TMTC3: variants seen among roughly 807,000 people sequenced by gnomAD.
TMTC3 encodes transmembrane O-mannosyltransferase targeting cadherins 3.
Under a neutral mutation model 92.2 loss-of-function variants are expected in TMTC3, and 52 were observed. The observed-to-expected ratio is 0.56, with a 90% CI of 0.45 to 0.71. The LOEUF is 0.71. Among genes scored for constraint, TMTC3 ranks in the 30% least tolerant of loss-of-function variants. The probability of loss-of-function intolerance (pLI) is 0.00; values close to 1 mark genes in which losing one functional copy is unlikely to be tolerated. For missense variants in TMTC3, 896 were observed against 1,057.1 expected (o/e 0.85, Z 2.11); for synonymous variants, 339 against 363.3 (o/e 0.93, Z 0.76).
chr12:88,152,986 A>G (rs1416138709), intron 2 of TMTC3, among the ~76,000 whole-genome samples: 1 of 152,126 alleles, frequency 6.6e-6, no homozygotes, highest in African/African-American at 2.4e-5. Context: ...CAATGCCGGC[A>G]TTGTCTTTTT....
rs143116689 is a variant in TMTC3, at chr12:88,190,535, C to A, written c.1619C>A (p.Ala540Glu). The A allele has an allele frequency of 8.2e-4, 1,316 of 1,613,886 alleles. No individual in the cohort carries two copies. Among genetic ancestry groups the A allele is most frequent in the Non-Finnish European group, 1.1e-3 (1,251 of 1,179,918 alleles). Residue 540 changes from alanine to glutamate, a missense_variant, in exon 12 of 14, where the codon GCA becomes GAA. Coordinates refer to ENST00000266712, the MANE Select transcript of TMTC3 (RefSeq NM_181783.4). Reference sequence around the variant, plus strand: ...ATCAATCTGGCTAACCTGATCCGAGCAAATGAGTCCCGACTGGAAGAAGCA... The same window carrying A: ...ATCAATCTGGCTAACCTGATCCGAGAAAATGAGTCCCGACTGGAAGAAGCA... ...VYINLANLIR[A>E]NESRLEEADQ...
At chr12:88,160,086 T>A (rs747002663) in intron 4 of TMTC3, 28 bp from the exon 5 acceptor site, 1 of 1,453,878 alleles carries the variant, frequency 6.9e-7, no homozygotes, top group Non-Finnish European at 9.4e-7. Context: ...TTTTCTGAAT[T>A]TTTATATTTT....
At chr12:88,179,280 T>C in intron 10 of TMTC3, among the ~76,000 whole-genome samples, 1 of 152,172 alleles carries the variant, frequency 6.6e-6, no homozygotes, top group East Asian at 1.9e-4. Context: ...GTATCTTAGA[T>C]AGTTTAGACG....
At chr12:88,150,077 G>C (rs946672765) in intron 2 of TMTC3, among the ~76,000 whole-genome samples, 1 of 152,106 alleles carries the variant, frequency 6.6e-6, no homozygotes, top group Non-Finnish European at 1.5e-5. Flanking sequence ...AGAAATACCT[G>C]AGACAGGGTA....
At chr12:88,160,931 A>G in intron 6 of TMTC3, 80 bp downstream of exon 6, 1 of 1,384,730 alleles carries the variant, frequency 7.2e-7, no homozygotes, top group Non-Finnish European at 9.8e-7. Flanking sequence ...TGAAGAAAGT[A>G]TTTTATTTTG....
At position 88,192,611 on chromosome 12, in the gene TMTC3, T is replaced by C. The variant is rs1367051859; in HGVS notation, c.1714T>C (p.Leu572=). Residue 572 remains leucine, a synonymous_variant, in exon 13 of 14, where the codon TTG becomes CTG. Transcript: ENST00000266712. ...TGTTTGATTTTTCCACAGAGGAGAATTGCTTTTAAAAATGAATAAACCTCT... is the reference window on the plus strand; with the variant it reads ...TGTTTGATTTTTCCACAGAGGAGAACTGCTTTTAAAAATGAATAAACCTCT... ...FKQAYISRGE[L]LLKMNKPLKA... 6.2e-7 allele frequency: 1 copy of C among 1,602,536 alleles called. No homozygotes were observed. Among genetic ancestry groups the C allele is most frequent in the Non-Finnish European group, 8.5e-7 (1 of 1,170,922 alleles).
chr12:88,157,726 T>C (rs1026818023), intron 4 of TMTC3, among the ~76,000 whole-genome samples: 1 of 152,178 alleles, frequency 6.6e-6, no homozygotes, highest in African/African-American at 2.4e-5. Context: ...GCCTGTATTT[T>C]GAAATGGGAA....
intron 4 of TMTC3, among the ~76,000 whole-genome samples, chr12:88,158,632 C>A (rs2041038027): frequency 6.6e-6 from 1 of 151,560 alleles, no homozygotes; most frequent in Admixed American, 6.6e-5. Flanking sequence ...AAAACAATTT[C>A]AAAAATATGT....
At chr12:88,154,457 A>C in intron 4 of TMTC3, 70 bp downstream of exon 4, 1 of 1,059,152 alleles carries the variant, frequency 9.4e-7, no homozygotes, top group Non-Finnish European at 1.4e-6. Flanking sequence ...ATTTACTCCA[A>C]GTGCTTCTTA....
At position 88,156,797 on chromosome 12, in the gene TMTC3, T is replaced by TTGTG. The variant is rs1000998177; in HGVS notation, c.508+2422_508+2425dup. 2.5e-5 allele frequency among the ~76,000 whole-genome samples: 3 copies of TTGTG among 118,562 alleles called. No homozygotes were observed. In the East Asian group the frequency reaches 8.3e-4, roughly 33 times the overall value. The allele number at this position is 118,562 out of a possible 152,430, so 77.8% of individuals were successfully genotyped here. On this transcript the variant is annotated intron_variant, in intron 4 of 13. Transcript: ENST00000266712. ...AAAATAACCTCGAAATGCTAAGGTT[T>TTGTG]TGTGTGTGTGTGTGTTTTTTTTTTT...
In TMTC3 at chr12:88,183,069, C is replaced by T. The variant is rs183439254; in HGVS notation, c.1433-5774C>T. On this transcript the variant is annotated intron_variant, in intron 10 of 13. Transcript: ENST00000266712. ...ACTTTTGGGAAATGATGAAAATGGG[C>T]GAATTCCAAGGGCTGTTTGACGGTT... Among the ~76,000 whole-genome samples the T allele has an allele frequency of 7.9e-4, 121 of 152,230 alleles. 2 individuals are homozygous for T. Among genetic ancestry groups the T allele is most frequent in the Admixed American group, 7.6e-3 (116 of 15,296 alleles).
At chr12:88,180,533 T>C (rs1423686823) in intron 10 of TMTC3, among the ~76,000 whole-genome samples, 1 of 152,208 alleles carries the variant, frequency 6.6e-6, no homozygotes, top group Non-Finnish European at 1.5e-5. Flanking sequence ...GAACAAATTA[T>C]CTGGAGTGAA....
intron 1 of TMTC3, among the ~76,000 whole-genome samples, chr12:88,146,002 A>C (rs757468852): frequency 6.6e-6 from 1 of 152,214 alleles, no homozygotes; most frequent in Non-Finnish European, 1.5e-5. Flanking sequence ...CTTAAACTGC[A>C]TCTGTAAGTC....
At chr12:88,190,682 A>G in intron 12 of TMTC3, 60 bp downstream of exon 12, 1 of 1,499,770 alleles carries the variant, frequency 6.7e-7, no homozygotes, top group Non-Finnish European at 9.0e-7. Flanking sequence ...CTCCATGTAC[A>G]TTTTGAATGA....
chr12:88,175,754 G>A (rs1002898164), intron 9 of TMTC3, among the ~76,000 whole-genome samples: 10 of 152,122 alleles, frequency 6.6e-5, no homozygotes, highest in African/African-American at 2.2e-4. Flanking sequence ...GGCAATCTGC[G>A]AACTCTGAAA....
At position 88,166,368 on chromosome 12, in the gene TMTC3, G is replaced by A. The variant is rs1439106906; in HGVS notation, c.836G>A (p.Arg279Lys). The A allele has an allele frequency of 3.1e-6, 5 of 1,613,608 alleles. No homozygotes were observed. In the South Asian group the frequency reaches 5.5e-5, roughly 18 times the overall value. ...NPAAVSPTPTRQLTFNYLLPV... is the reference protein window; with the variant it reads ...NPAAVSPTPTKQLTFNYLLPV... ...GCTGCTGTAAGCCCAACTCCTACAA[G>A]GCAACTAACTTTTAACTACCTCCTT... The change falls in exon 7 of 14, where the codon AGG (arginine) becomes AAG (lysine). Residue 279 changes from arginine (R) to lysine (K), a missense_variant. Physicochemically the swap from Arg to Lys is conservative, Grantham distance 26 (BLOSUM62 2). Transcript: ENST00000266712.
At chr12:88,191,105 A>G (rs1165560149) in intron 12 of TMTC3, among the ~76,000 whole-genome samples, 1 of 152,124 alleles carries the variant, frequency 6.6e-6, no homozygotes, top group Non-Finnish European at 1.5e-5. Flanking sequence ...TTTCTCATGT[A>G]TGTGTTATCA....
chr12:88,199,782 C>T lies in TMTC3; in HGVS notation c.*4133C>T, dbSNP rs1249460095. On this transcript the variant is annotated 3_prime_UTR_variant, in exon 14 of 14. Coordinates refer to ENST00000266712, the MANE Select transcript of TMTC3 (RefSeq NM_181783.4). ...TTCTTTCTTTGTAACTCACTTTCTT[C>T]GTCAACATTTCTGTGACTCAATGGA... 1 of 152,206 alleles carries T rather than the reference C, an allele frequency of 6.6e-6. No homozygotes were observed. The allele number at this position is 152,206 out of a possible 1,614,324, so 9.4% of individuals were successfully genotyped here. A position where few individuals can be genotyped will look rare whatever the true frequency, so the allele number is the denominator to read the frequency against.
chr12:88,165,249 T>G (rs940679009), intron 6 of TMTC3, among the ~76,000 whole-genome samples: 2 of 152,096 alleles, frequency 1.3e-5, no homozygotes, highest in Non-Finnish European at 2.9e-5. Flanking sequence ...ATAATTTGAT[T>G]TATTTTGACA....
Sources: allele counts gnomAD v4.1 joint callset (sites outside exome capture counted in the v4.1 genomes callset), GRCh38; gene constraint gnomAD v4.1.1; transcripts MANE v1.5; gene names NCBI Gene and HGNC (gene_info 2026-07-23, HGNC 2026-07-21).